AFF2: variants seen among roughly 807,000 people sequenced by gnomAD.
AFF2 encodes the protein AF4/FMR2 family member 2.
A neutral mutation model predicts 76.9 loss-of-function variants in AFF2; 14 were observed. That is an observed-to-expected ratio of 0.18 (90% CI 0.12 to 0.28). AFF2 has a LOEUF of 0.28. Among genes scored for constraint, AFF2 ranks in the 10% least tolerant of loss-of-function variants. AFF2 has a pLI of 1.00. For missense variants in AFF2, 868 were observed against 1,001.1 expected, an observed-to-expected ratio of 0.87 and a Z score of 1.79; for synonymous variants, 398 against 366.7, an observed-to-expected ratio of 1.09 and a Z score of -0.98.
chrX:148,875,308 A>T (rs782326828), intron 7 of AFF2, among the ~76,000 whole-genome samples: 19 of 112,497 alleles, frequency 1.7e-4, no homozygotes, highest in Non-Finnish European at 1.7e-4. Context: ...GAATATCAAT[A>T]AAAAGGTGAT....
At chrX:148,670,952 T>TGAGG (rs1426950638) in intron 3 of AFF2, among the ~76,000 whole-genome samples, 2 of 111,475 alleles carry the variant, frequency 1.8e-5, no homozygotes, top group Non-Finnish European at 3.8e-5. Context: ...TCTTAAAGAG[T>TGAGG]ATGCAAATAC....
Position 148,953,706 on chromosome X carries a change from A to G in AFF2, c.1524A>G (p.Glu508=). The part of the protein sequence containing the change: ...SDTESSTTDS[E]SNEAPRVATP... The stretch of plus-strand genomic sequence containing the variant: ...CTGAAAGTAGCACCACTGACAGCGA[A>G]TCTAATGAGGCACCTCGTGTGGCAA... Residue 508 remains glutamate, a synonymous_variant, in exon 10 of 21, where the codon GAA becomes GAG. Coordinates refer to ENST00000370460, the MANE Select transcript of AFF2 (RefSeq NM_002025.4). 8.3e-7 allele frequency: 1 copy of G among 1,210,630 alleles called. No individual in the cohort carries two copies. The highest frequency in any genetic ancestry group is 2.2e-5 in the Admixed American group (1 of 45,926).
chrX:148,817,331 G>T (rs2070278261), intron 4 of AFF2, among the ~76,000 whole-genome samples: 1 of 111,459 alleles, frequency 9.0e-6, no homozygotes, highest in African/African-American at 3.3e-5. Context: ...AGAGAATAAT[G>T]AGTAGCAATT....
chrX:148,507,112 A>G (rs1029401007), intron 1 of AFF2, among the ~76,000 whole-genome samples: 1 of 112,433 alleles, frequency 8.9e-6, no homozygotes, highest in Non-Finnish European at 1.9e-5. Flanking sequence ...AGACTGTTCC[A>G]TGCAAATGCA....
chrX:148,941,420 G>T (rs534438830), intron 9 of AFF2, among the ~76,000 whole-genome samples: 1 of 111,898 alleles, frequency 8.9e-6, no homozygotes, highest in East Asian at 2.8e-4. Context: ...TGTAGGCTGG[G>T]TTGGCTAATG....
At chrX:148,639,762 A>C (rs2054069008) in intron 1 of AFF2, among the ~76,000 whole-genome samples, 1 of 112,004 alleles carries the variant, frequency 8.9e-6, no homozygotes, top group African/African-American at 3.3e-5. Flanking sequence ...AGTCCAAAAG[A>C]AAGAAGAAAA....
At chrX:148,864,150 T>C (rs1227022631) in intron 7 of AFF2, among the ~76,000 whole-genome samples, 1 of 111,774 alleles carries the variant, frequency 8.9e-6, no homozygotes, top group African/African-American at 3.3e-5. Context: ...AGAAGTGGCA[T>C]AATCGTTGAA....
At chrX:148,614,693 TTTTC>T (rs548569376) in intron 1 of AFF2, among the ~76,000 whole-genome samples, 4,378 of 56,014 alleles carry the variant, frequency 0.078, 191 homozygotes, top group Admixed American at 0.11. Context: ...TCCTTCTTTC[TTTTC>T]TTTCTTTCTT....
At chrX:148,755,726 C>T (rs1044907420) in intron 3 of AFF2, among the ~76,000 whole-genome samples, 1 of 111,813 alleles carries the variant, frequency 8.9e-6, no homozygotes, top group African/African-American at 3.2e-5. Context: ...ATCTATCTAT[C>T]CATCTATCTA....
intron 7 of AFF2, among the ~76,000 whole-genome samples, chrX:148,870,973 A>G (rs1490285046): frequency 9.0e-6 from 1 of 111,118 alleles, no homozygotes; most frequent in Non-Finnish European, 1.9e-5. Context: ...CAAGGTCTCT[A>G]TCAAGTTCAA....
chrX:148,883,677 A>G (rs782218118), intron 7 of AFF2, among the ~76,000 whole-genome samples: 2 of 111,022 alleles, frequency 1.8e-5, no homozygotes, highest in African/African-American at 3.3e-5. Flanking sequence ...AACCTTGTAT[A>G]CTCCCAATTC....
chrX:148,931,864 G>A (rs1557284437), intron 9 of AFF2, among the ~76,000 whole-genome samples: 2 of 112,109 alleles, frequency 1.8e-5, no homozygotes, highest in African/African-American at 3.2e-5. Flanking sequence ...AATTTGGACT[G>A]TTCATTTGCT....
intron 1 of AFF2, among the ~76,000 whole-genome samples, chrX:148,581,144 CAT>C (rs1193871028): frequency 2.7e-4 from 16 of 58,313 alleles, no homozygotes; most frequent in Admixed American, 4.9e-4. Flanking sequence ...CGTATACACA[CAT>C]ATACATATAC....
intron 3 of AFF2, among the ~76,000 whole-genome samples, chrX:148,780,495 G>T (rs1259999514): frequency 9.0e-6 from 1 of 111,543 alleles, no homozygotes; most frequent in African/African-American, 3.3e-5. Context: ...ATTTCATTAA[G>T]TTGATCTTCA....
intron 8 of AFF2, among the ~76,000 whole-genome samples, chrX:148,897,283 A>AT (rs1172540270): frequency 1.6e-5 from 1 of 60,624 alleles, no homozygotes; most frequent in Non-Finnish European, 3.1e-5. Context: ...GTATATGAAA[A>AT]ATATATATAT....
intron 8 of AFF2, among the ~76,000 whole-genome samples, chrX:148,901,689 T>A (rs1557280903): frequency 8.9e-6 from 1 of 112,303 alleles, no homozygotes; most frequent in East Asian, 2.8e-4. Context: ...CACATATCAT[T>A]TGCACATAAA....
rs2072605946 is a variant in AFF2, at chrX:148,996,772, G to T, written c.*5440G>T. 1 of 111,935 alleles carries T rather than the reference G, an allele frequency of 8.9e-6. No homozygotes were observed. Among genetic ancestry groups the T allele is most frequent in the African/African-American group, 3.3e-5 (1 of 30,721 alleles). 9.2% of individuals were successfully genotyped at this position (111,935 alleles called of 1,213,427 possible). A position where few individuals can be genotyped will look rare whatever the true frequency, so the allele number is the denominator to read the frequency against. On this transcript the variant is annotated 3_prime_UTR_variant, in exon 21 of 21. Transcript: ENST00000370460. ...AAGGAGAGATGGATCAATGGAGATG[G>T]TTCCATCATCTCCTTCCATATCTCA...
chrX:148,688,233 A>G (rs1353321468), intron 3 of AFF2, among the ~76,000 whole-genome samples: 2 of 111,211 alleles, frequency 1.8e-5, no homozygotes, highest in Non-Finnish European at 3.8e-5. Context: ...AGCCAGACTG[A>G]TCTCTTAGTG....
At chrX:148,511,054 T>C (rs1472491625) in intron 1 of AFF2, among the ~76,000 whole-genome samples, 1 of 111,988 alleles carries the variant, frequency 8.9e-6, no homozygotes, top group Non-Finnish European at 1.9e-5. Flanking sequence ...TAAATGTTCT[T>C]TATGTGCATC....
Sources: gnomAD v4.1 joint callset for allele counts (sites outside exome capture counted in the v4.1 genomes callset) on GRCh38, gnomAD v4.1.1 for gene constraint, MANE v1.5 for transcripts, NCBI Gene and HGNC (gene_info 2026-07-23, HGNC 2026-07-21) for gene names.